Variants in NCAM1 observed in about 807,000 individuals in gnomAD.
NCAM1 encodes the protein neural cell adhesion molecule 1, also known as antigen recognized by monoclonal antibody 5.1H11.
Under a neutral mutation model 109.8 loss-of-function variants are expected in NCAM1, and 14 were observed. The ratio of observed to expected loss-of-function variants is 0.13; its 90% CI spans 0.08 to 0.20. The LOEUF (loss-of-function observed/expected upper bound fraction) is 0.20, where lower values mean the gene tolerates loss of function less well. Among genes scored for constraint, NCAM1 ranks in the 10% least tolerant of loss-of-function variants. The pLI is 1.00. For missense variants in NCAM1, 774 were observed against 1,109.9 expected (o/e 0.70, Z 4.30); for synonymous variants, 418 against 442.9 (o/e 0.94, Z 0.70).
rs78659411 is a variant in NCAM1, at chr11:113,030,097, C to G, written c.52+68433C>G. Among the ~76,000 whole-genome samples the G allele has an allele frequency of 6.6e-3, 1,002 of 152,290 alleles. 8 individuals are homozygous for G. Among genetic ancestry groups the G allele is most frequent in the African/African-American group, 0.022 (929 of 41,554 alleles). ...GGGAGCACCAGAAGCTCTGTGACCC[C>G]AGGCAAGTTATTTAAAACTTTCTGC... On this transcript the variant is annotated intron_variant, in intron 1 of 19. Transcript: ENST00000316851.
intron 1 of NCAM1, among the ~76,000 whole-genome samples, chr11:113,014,107 A>C (rs1431011260): frequency 6.6e-6 from 1 of 152,136 alleles, no homozygotes; most frequent in Non-Finnish European, 1.5e-5. Flanking sequence ...TTTATGTATT[A>C]ATACTACTCA....
Position 112,977,281 on chromosome 11 carries a change from A to T in NCAM1, c.52+15617A>T, listed in dbSNP as rs563318871. 4.6e-5 allele frequency: 7 copies of T among 152,010 alleles called. No homozygotes were observed. In the East Asian group the frequency reaches 1.4e-3, roughly 29 times the overall value. 9.4% of individuals were successfully genotyped at this position (152,010 alleles called of 1,614,324 possible). A position where few individuals can be genotyped will look rare whatever the true frequency, so the allele number is the denominator to read the frequency against. ...AAAATAGTCTTATAGTGATTTAATA[A>T]CAATTTGGAAAAGTCGCAATCTTTA... On this transcript the variant is annotated intron_variant, in intron 1 of 19. Transcript: ENST00000316851.
intron 17 of NCAM1, chr11:113,263,604 C>G: frequency 2.0e-6 from 2 of 985,506 alleles, no homozygotes; most frequent in South Asian, 9.4e-5. Flanking sequence ...CTTACACTGT[C>G]TCTGTGAACG....
intron 17 of NCAM1, chr11:113,263,052 G>A (rs1555123710): frequency 6.9e-6 from 10 of 1,442,992 alleles, no homozygotes; most frequent in Non-Finnish European, 9.1e-7. Flanking sequence ...CTGTGTGGAA[G>A]AGAAGGTTTT....
At chr11:113,069,452 A>G (rs782433258) in intron 1 of NCAM1, among the ~76,000 whole-genome samples, 1 of 152,166 alleles carries the variant, frequency 6.6e-6, no homozygotes, top group South Asian at 2.1e-4. Context: ...GGACTGTGAC[A>G]TACTGATTAG....
intron 1 of NCAM1, among the ~76,000 whole-genome samples, chr11:113,122,151 C>T (rs566652030): frequency 2.2e-4 from 33 of 152,326 alleles, no homozygotes; most frequent in Middle Eastern, 3.4e-3. Context: ...CCATCCCCTC[C>T]TGTTCAATCT....
At chr11:112,977,541 G>C (rs1951038520) in intron 1 of NCAM1, 1 of 151,814 alleles carries the variant, frequency 6.6e-6, no homozygotes, top group Non-Finnish European at 1.5e-5. Flanking sequence ...GAAAAGTATA[G>C]ATTGAGTCTT....
chr11:113,240,527 T>C, intron 14 of NCAM1: 1 of 501,324 alleles, frequency 2.0e-6, no homozygotes, highest in East Asian at 3.4e-5. Flanking sequence ...GTTTGAGGCT[T>C]GTGCAGCTGT....
intron 1 of NCAM1, among the ~76,000 whole-genome samples, chr11:113,177,245 C>T (rs984442214): frequency 6.6e-6 from 1 of 152,122 alleles, no homozygotes; most frequent in Non-Finnish European, 1.5e-5. Context: ...AGCTGCTGAC[C>T]ACATGAGTGG....
intron 10 of NCAM1, 132 bp downstream of exon 10, chr11:113,231,927 C>G: frequency 7.8e-7 from 1 of 1,275,112 alleles, no homozygotes; most frequent in Admixed American, 1.9e-5. Flanking sequence ...TGACCCTGGG[C>G]TATTTCAGAG....
chr11:113,024,949 G>T (rs1238775810), intron 1 of NCAM1, among the ~76,000 whole-genome samples: 1 of 152,218 alleles, frequency 6.6e-6, no homozygotes, highest in African/African-American at 2.4e-5. Context: ...CTGTTCATTT[G>T]CCAGGTATGG....
chr11:113,132,746 CCT>C (rs1268419469), intron 1 of NCAM1, among the ~76,000 whole-genome samples: 3 of 151,724 alleles, frequency 2.0e-5, no homozygotes, highest in African/African-American at 7.3e-5. Context: ...GTCCATTTCC[CCT>C]GTTTAGTGTT....
At position 113,273,025 on chromosome 11, in the gene NCAM1, C is replaced by A. The variant is rs1591479037; in HGVS notation, c.2456+1149C>A. 2.2e-6 allele frequency: 1 copy of A among 456,940 alleles called. No individual in the cohort carries two copies. The highest frequency in any genetic ancestry group is 7.0e-5 in the East Asian group (1 of 14,380). The allele number at this position is 456,940 out of a possible 1,614,324, so 28.3% of individuals were successfully genotyped here. On this transcript the variant is annotated intron_variant, in intron 19 of 19. Transcript: ENST00000316851. The surrounding 1 kb of genome is among the most constrained non-coding windows in gnomAD (Gnocchi z 6.0). ...TCTGACACTATCACCGAAACCTTTG[C>A]CACTGCTCAGAACAGCCCCACCAGT...
chr11:113,013,398 G>C (rs1192696740), intron 1 of NCAM1, among the ~76,000 whole-genome samples: 1 of 134,000 alleles, frequency 7.5e-6, no homozygotes, highest in Non-Finnish European at 1.5e-5. Flanking sequence ...TTGCACTCCT[G>C]CCTGGGCGAC....
chr11:112,999,849 AC>A (rs1289566065), intron 1 of NCAM1, among the ~76,000 whole-genome samples: 2 of 152,172 alleles, frequency 1.3e-5, no homozygotes, highest in African/African-American at 4.8e-5. Flanking sequence ...TATACTTCTT[AC>A]CTTTGTCATT....
chr11:113,011,621 T>A (rs1565381023), intron 1 of NCAM1, among the ~76,000 whole-genome samples: 1 of 152,040 alleles, frequency 6.6e-6, no homozygotes, highest in South Asian at 2.1e-4. Flanking sequence ...CTCTCCAGCA[T>A]TGGGGTAGGA....
intron 1 of NCAM1, among the ~76,000 whole-genome samples, chr11:113,177,392 T>C (rs1473084613): frequency 6.6e-6 from 1 of 152,160 alleles, no homozygotes; most frequent in African/African-American, 2.4e-5. Context: ...AAAACCACTA[T>C]TAAAAGTTAC....
chr11:113,144,750 G>T lies in NCAM1; in HGVS notation c.53-57629G>T, dbSNP rs150739283. On this transcript the variant is annotated intron_variant, in intron 1 of 19. Transcript: ENST00000316851. ...CTTTTAAAGCTATGATTTCTGCACT[G>T]TAAAATGGGAAAAATACAGTACATG... 7.2e-4 allele frequency among the ~76,000 whole-genome samples: 110 copies of T among 152,296 alleles called. 1 individual carries two copies. The East Asian group carries it at 0.021, about 29-fold the overall frequency.
intron 1 of NCAM1, among the ~76,000 whole-genome samples, chr11:113,111,140 T>C (rs1940427550): frequency 6.6e-6 from 1 of 152,178 alleles, no homozygotes; most frequent in Non-Finnish European, 1.5e-5. Flanking sequence ...CTTTCAAGGT[T>C]TGGGTGAAGT....
Sources: gnomAD v4.1 joint callset for allele counts (sites outside exome capture counted in the v4.1 genomes callset) on GRCh38, gnomAD v4.1.1 for gene constraint, Gnocchi (gnomAD v3.1) non-coding constraint, MANE v1.5 for transcripts, NCBI Gene and HGNC (gene_info 2026-07-23, HGNC 2026-07-21) for gene names.